The following IWS1 variants were observed in gnomAD, a reference collection of about 807,000 sequenced individuals.
IWS1 encodes the protein interacts with SUPT6H, CTD assembly factor 1.
In IWS1, 27 loss-of-function variants were observed where a neutral mutation model predicts 86.7. The observed-to-expected ratio is 0.31, with a 90% confidence interval of 0.23 to 0.43. The LOEUF is 0.43. Ranked by LOEUF, IWS1 falls within the 20% of genes least tolerant of loss-of-function variation. The pLI is 1.00. For synonymous variants in IWS1, 313 were observed against 335.1 expected (o/e 0.93, Z 0.72); for missense variants, 827 against 1,000.8 (o/e 0.83, Z 2.34).
intron 2 of IWS1, among the ~76,000 whole-genome samples, chr2:127,522,124 C>T (rs1185907299): frequency 6.6e-5 from 10 of 152,160 alleles, no homozygotes; most frequent in Admixed American, 2.6e-4. Context: ...TTTCCACACC[C>T]GCATTTAGTT....
chr2:127,514,833 G>C (rs916865336), intron 2 of IWS1: 3 of 152,312 alleles, frequency 2.0e-5, no homozygotes, highest in Non-Finnish European at 4.4e-5. Flanking sequence ...TGCCTGCAGA[G>C]GCCGGTAGCA....
upstream of IWS1, chr2:127,526,542 G>T: frequency 6.9e-7 from 1 of 1,445,420 alleles, no homozygotes; most frequent in Non-Finnish European, 9.3e-7. Context: ...CCGTCAACCG[G>T]CCAATGAGAA....
intron 7 of IWS1, among the ~76,000 whole-genome samples, chr2:127,495,593 G>A: frequency 6.6e-6 from 1 of 151,994 alleles, no homozygotes; most frequent in Non-Finnish European, 1.5e-5. Flanking sequence ...CATACTACTG[G>A]GCCAATTTTT....
At chr2:127,514,517 T>C (rs1261612907) in intron 2 of IWS1, 1 of 152,342 alleles carries the variant, frequency 6.6e-6, no homozygotes, top group African/African-American at 2.4e-5. Context: ...CAAAACAGGG[T>C]TGTAATATGC....
chr2:127,523,366 T>C (rs888222644), intron 2 of IWS1, among the ~76,000 whole-genome samples: 2 of 152,208 alleles, frequency 1.3e-5, no homozygotes, highest in African/African-American at 4.8e-5. Context: ...TGCCCCACTA[T>C]GACATTATTG....
In IWS1 at chr2:127,489,813, C is replaced by T; in HGVS notation, c.2159+19G>A. The stretch of plus-strand genomic sequence containing the variant: ...AACAATAACGTGTATTCCACTTACT[C>T]ATACCTGTTCCCTCATACCTGTTCA... On this transcript the variant is annotated intron_variant, in intron 11 of 13. Coordinates refer to ENST00000295321, the MANE Select transcript of IWS1 (RefSeq NM_017969.3). This position sits in a 1 kb window ranked among gnomAD's most constrained non-coding sequence, Gnocchi z 4.8. 1 of 1,330,984 alleles carries T rather than the reference C, an allele frequency of 7.5e-7. No individual in the cohort carries two copies. Among genetic ancestry groups the T allele is most frequent in the Non-Finnish European group, 1.1e-6 (1 of 923,204 alleles). The allele number at this position is 1,330,984 out of a possible 1,614,324, so 82.4% of individuals were successfully genotyped here.
intron 5 of IWS1, among the ~76,000 whole-genome samples, chr2:127,501,205 CCTT>C (rs1394806797): frequency 1.8e-4 from 28 of 152,230 alleles, no homozygotes; most frequent in Admixed American, 7.8e-4. Flanking sequence ...TTAATTCCCT[CCTT>C]ATTTCATCTT....
intron 4 of IWS1, 37 bp downstream of exon 4, chr2:127,503,350 A>G (rs370716152): frequency 6.6e-6 from 10 of 1,519,586 alleles, no homozygotes; most frequent in Non-Finnish European, 9.0e-6. Flanking sequence ...CTGCCTAATT[A>G]AGAACCCCTG....
Position 127,489,193 on chromosome 2 carries a change from C to T in IWS1, c.2202G>A (p.Leu734=), listed in dbSNP as rs750625380. 4 of 1,612,752 alleles carry T rather than the reference C, an allele frequency of 2.5e-6. No individual in the cohort carries two copies. ...QTPRRDLEKV[L]TGEEKALRPG... ...TAAAACCTTACTTCTCCTCTCCTGT[C>T]AGCACCTTTTCCAGGTCTCTTCTGG... Residue 734 remains leucine (L), a synonymous_variant, in exon 12 of 14, where the codon CTG becomes CTA. Transcript: ENST00000295321. This position sits in a 1 kb window ranked among gnomAD's most constrained non-coding sequence, Gnocchi z 4.8.
At position 127,480,921 on chromosome 2, in the gene IWS1, A is replaced by G; in HGVS notation, c.*123T>C. On this transcript the variant is annotated 3_prime_UTR_variant, in exon 14 of 14. Coordinates refer to ENST00000295321, the MANE Select transcript of IWS1 (RefSeq NM_017969.3). The stretch of plus-strand genomic sequence containing the variant: ...AACTGAGAGAAATGTGAGTCCTATG[A>G]CAACATCTGATACACGCTGAACCAT... The G allele has an allele frequency of 9.4e-7, 1 of 1,065,092 alleles. No individual in the cohort carries two copies. The highest frequency in any genetic ancestry group is 1.8e-5 in the South Asian group (1 of 56,452). 66.0% of individuals were successfully genotyped at this position (1,065,092 alleles called of 1,614,324 possible).
rs185408370 is a variant in IWS1 at position 127,521,636 on chromosome 2, T to C, written c.150+2040A>G. Among the ~76,000 whole-genome samples, 8 of 152,338 alleles carry C rather than the reference T, an allele frequency of 5.3e-5. No individual in the cohort carries two copies. In the East Asian group the frequency reaches 7.7e-4, roughly 15 times the overall value. ...ACCCAACACAAAACCTATTTTATAATAGAATGTTGAGTATCTCATGTAATT... is the reference window on the plus strand; with the variant it reads ...ACCCAACACAAAACCTATTTTATAACAGAATGTTGAGTATCTCATGTAATT... On this transcript the variant is annotated intron_variant, in intron 2 of 13. Transcript: ENST00000295321.
Position 127,504,842 on chromosome 2 carries a change from T to C in IWS1, c.1061A>G (p.His354Arg). 2 of 1,614,222 alleles carry C rather than the reference T, an allele frequency of 1.2e-6. No individual in the cohort carries two copies. Among genetic ancestry groups the C allele is most frequent in the Non-Finnish European group, 1.7e-6 (2 of 1,180,038 alleles). ...MQNDSFHSDS[H>R]MDRKKFHSSD... The stretch of plus-strand genomic sequence containing the variant: ...ACTGTGAAACTTTTTTCTGTCCATA[T>C]GGCTGTCTGAATGGAAGGAGTCATT... The change falls in exon 3 of 14, where the codon CAT becomes CGT. Residue 354 changes from histidine to arginine, a missense_variant. Physicochemically the swap from His to Arg is conservative, Grantham distance 29 (BLOSUM62 0). This residue lies in a region of IWS1 where 548 missense variants were observed against 560.2 expected (regional missense o/e 0.98). Coordinates refer to ENST00000295321, the MANE Select transcript of IWS1 (RefSeq NM_017969.3).
intron 2 of IWS1, among the ~76,000 whole-genome samples, chr2:127,521,873 T>C (rs1419474782): frequency 6.6e-6 from 1 of 152,232 alleles, no homozygotes; most frequent in African/African-American, 2.4e-5. Context: ...CCTGAACTTG[T>C]AACTGCACCA....
At chr2:127,495,971 G>A (rs928343991) in intron 7 of IWS1, 27 bp downstream of exon 7, 1 of 1,546,436 alleles carries the variant, frequency 6.5e-7, no homozygotes, top group East Asian at 2.4e-5. Context: ...AGGAAAAAAA[G>A]GTGAACCTAG....
intron 2 of IWS1, among the ~76,000 whole-genome samples, chr2:127,506,412 A>G (rs1691152934): frequency 6.6e-6 from 1 of 152,124 alleles, no homozygotes. Flanking sequence ...TTTTCAAAGA[A>G]ATACAAGCAA....
rs754686611 is a variant in IWS1 at position 127,526,380 on chromosome 2, G to C, written c.-172C>G. ...CGGTAGCGGCAAAGGCGAATTCTTT[G>C]ACCTGGAAGCCCCGGCGGAAAAGGC... On this transcript the variant is annotated 5_prime_UTR_variant, in exon 1 of 14. Coordinates refer to ENST00000295321, the MANE Select transcript of IWS1 (RefSeq NM_017969.3). The C allele has an allele frequency of 2.7e-4, 410 of 1,536,378 alleles. 4 individuals carry two copies. In the Middle Eastern group the frequency reaches 0.012, roughly 43 times the overall value.
chr2:127,523,854 G>T, intron 1 of IWS1, 63 bp from the exon 2 acceptor site: 1 of 1,061,876 alleles, frequency 9.4e-7, no homozygotes, highest in Non-Finnish European at 1.4e-6. Context: ...ACAGTGAAAT[G>T]AACACACTGA....
rs892780375 is a variant in IWS1, at chr2:127,486,720, C to T, written c.2217-56G>A. The T allele has an allele frequency of 5.3e-6, 7 of 1,329,084 alleles. No individual in the cohort carries two copies. In the African/African-American group the frequency reaches 8.7e-5, roughly 16 times the overall value. The allele number at this position is 1,329,084 out of a possible 1,614,324, so 82.3% of individuals were successfully genotyped here. A position where few individuals can be genotyped will look rare whatever the true frequency, so the allele number is the denominator to read the frequency against. ...TTATGTGGCCAGCCACAGTGGGGCA[C>T]ATAGGCCATTTCACACTCCTGTTCC... is the stretch of plus-strand genomic sequence containing the variant. On this transcript the variant is annotated intron_variant, in intron 12 of 13. Transcript: ENST00000295321.
At chr2:127,513,921 T>A (rs188206509) in intron 2 of IWS1, among the ~76,000 whole-genome samples, 2 of 152,212 alleles carry the variant, frequency 1.3e-5, no homozygotes, top group African/African-American at 4.8e-5. Context: ...AGCAGACAAA[T>A]TCCTAGGCAG....
Sources: gnomAD v4.1 joint callset for allele counts (sites outside exome capture counted in the v4.1 genomes callset) on GRCh38, gnomAD v4.1.1 for gene constraint, gnomAD v4.1.1 regional missense constraint, Gnocchi (gnomAD v3.1) non-coding constraint, MANE v1.5 for transcripts, NCBI Gene and HGNC (gene_info 2026-07-23, HGNC 2026-07-21) for gene names.